GABRA1: variants seen among roughly 807,000 people sequenced by gnomAD.
GABRA1 encodes gamma-aminobutyric acid receptor subunit alpha-1.
A neutral mutation model predicts 48.9 loss-of-function variants in GABRA1; 9 were observed. The observed-to-expected ratio is 0.18, with a 90% CI of 0.11 to 0.32. The LOEUF (loss-of-function observed/expected upper bound fraction) is 0.32, where lower values mean the gene tolerates loss of function less well. GABRA1 is among the 10% of genes least tolerant of loss of function. The probability of loss-of-function intolerance (pLI) is 1.00; values close to 1 mark genes in which losing one functional copy is unlikely to be tolerated. For synonymous variants in GABRA1, 210 were observed against 198.7 expected (o/e 1.06, Z -0.48); for missense variants, 285 against 553.8 (o/e 0.51, Z 4.87).
chr5:161,877,514 T>C (rs1226645952), intron 6 of GABRA1, among the ~76,000 whole-genome samples: 1 of 152,190 alleles, frequency 6.6e-6, no homozygotes, highest in Non-Finnish European at 1.5e-5. Flanking sequence ...AATGCAATTC[T>C]GTTTGTGATA....
intron 8 of GABRA1, among the ~76,000 whole-genome samples, chr5:161,892,958 C>A (rs1218296452): frequency 2.7e-5 from 4 of 149,590 alleles, no homozygotes; most frequent in African/African-American, 7.4e-5. Flanking sequence ...GAGCCAAGAT[C>A]GTGCCACTGC....
chr5:161,887,589 A>G (rs1271545644), intron 7 of GABRA1, among the ~76,000 whole-genome samples: 1 of 152,148 alleles, frequency 6.6e-6, no homozygotes, highest in Non-Finnish European at 1.5e-5. Context: ...AAAAAACATA[A>G]CCACCACTTT....
intron 4 of GABRA1, among the ~76,000 whole-genome samples, chr5:161,871,497 C>T (rs1319184961): frequency 2.0e-5 from 3 of 152,158 alleles, no homozygotes; most frequent in African/African-American, 4.8e-5. Flanking sequence ...GTAGATCCAT[C>T]CACCCAGTTT....
At chr5:161,885,608 G>A (rs1450772496) in intron 7 of GABRA1, among the ~76,000 whole-genome samples, 4 of 152,054 alleles carry the variant, frequency 2.6e-5, no homozygotes, top group Non-Finnish European at 5.9e-5. Context: ...AACATAAGAG[G>A]CAAGAAGATG....
chr5:161,891,830 C>G (rs1755104258), intron 8 of GABRA1, among the ~76,000 whole-genome samples: 1 of 152,182 alleles, frequency 6.6e-6, no homozygotes, highest in Admixed American at 6.6e-5. Context: ...CAAATCACCA[C>G]TCTCGTTATG....
Position 161,899,847 on chromosome 5 carries a change from G to A in GABRA1, c.*2425G>A, listed in dbSNP as rs540771612. On this transcript the variant is annotated 3_prime_UTR_variant, in exon 10 of 10. Transcript: ENST00000393943. Reference sequence around the variant, plus strand: ...ATAAAACCTAACATGAATCAAGGTTGTTTATGGCAGATGCATGTGTTGCTT... The same window carrying A: ...ATAAAACCTAACATGAATCAAGGTTATTTATGGCAGATGCATGTGTTGCTT... The A allele has an allele frequency of 6.6e-6, 1 of 152,284 alleles. No homozygotes were observed. Among genetic ancestry groups the A allele is most frequent in the East Asian group, 1.9e-4 (1 of 5,182 alleles). 9.4% of individuals were successfully genotyped at this position (152,284 alleles called of 1,614,324 possible). A position where few individuals can be genotyped will look rare whatever the true frequency, so the allele number is the denominator to read the frequency against.
intron 6 of GABRA1, among the ~76,000 whole-genome samples, chr5:161,879,149 C>T (rs1036817678): frequency 6.6e-6 from 1 of 152,180 alleles, no homozygotes; most frequent in African/African-American, 2.4e-5. Context: ...CTCTCTGTTG[C>T]CCAGGCTGGA....
chr5:161,894,118 G>C (rs1447018759), intron 8 of GABRA1, among the ~76,000 whole-genome samples: 2 of 152,104 alleles, frequency 1.3e-5, no homozygotes, highest in Non-Finnish European at 2.9e-5. Flanking sequence ...ATAGTCATTA[G>C]TTTTGCCCTT....
intron 3 of GABRA1, among the ~76,000 whole-genome samples, chr5:161,865,315 A>C (rs1758009368): frequency 6.6e-6 from 1 of 152,162 alleles, no homozygotes; most frequent in South Asian, 2.1e-4. Flanking sequence ...AAAGTACACT[A>C]TCTATTTCCC....
At chr5:161,847,926 C>T, upstream of GABRA1, 1 of 151,922 alleles carries the variant, frequency 6.6e-6, no homozygotes, top group East Asian at 1.9e-4. Flanking sequence ...CCCATTGCCG[C>T]TCCCCCCAAA....
intron 1 of GABRA1, chr5:161,848,716 C>G: frequency 7.8e-6 from 2 of 255,342 alleles, no homozygotes; most frequent in South Asian, 7.0e-5. Flanking sequence ...TCTCCTCTTT[C>G]TTAGGCATAT....
intron 7 of GABRA1, among the ~76,000 whole-genome samples, chr5:161,883,827 C>G (rs747844704): frequency 1.3e-5 from 2 of 152,046 alleles, no homozygotes; most frequent in Non-Finnish European, 2.9e-5. Context: ...CTGTCTCTTG[C>G]TTGCTTAGAA....
intron 2 of GABRA1, among the ~76,000 whole-genome samples, chr5:161,852,793 T>C (rs1757503112): frequency 6.6e-6 from 1 of 151,962 alleles, no homozygotes; most frequent in Admixed American, 6.6e-5. Flanking sequence ...TTTTAGTAAC[T>C]TTATCAAATT....
intron 9 of GABRA1, among the ~76,000 whole-genome samples, chr5:161,896,655 CAT>C (rs1270643374): frequency 5.9e-5 from 9 of 152,178 alleles, no homozygotes; most frequent in Non-Finnish European, 1.2e-4. Context: ...AGTCACTTGA[CAT>C]AAGCTTTTCT....
Position 161,882,829 on chromosome 5 carries a change from G to A in GABRA1, c.703+128G>A, listed in dbSNP as rs527766312. ...TTTCACTAAATTGGGCATCAGTTGAGCTGGGAACTAATGTAAACTCGGTAG... is the reference window on the plus strand; with the variant it reads ...TTTCACTAAATTGGGCATCAGTTGAACTGGGAACTAATGTAAACTCGGTAG... On this transcript the variant is annotated intron_variant, in intron 7 of 9. Coordinates refer to ENST00000393943, the MANE Select transcript of GABRA1 (RefSeq NM_001127644.2). The A allele has an allele frequency of 9.8e-6, 9 of 920,666 alleles. No homozygotes were observed. The South Asian group carries it at 1.3e-4, about 13-fold the overall frequency. 57.0% of individuals were successfully genotyped at this position (920,666 alleles called of 1,614,324 possible). A position where few individuals can be genotyped will look rare whatever the true frequency, so the allele number is the denominator to read the frequency against.
rs139793542 is a variant in GABRA1 at position 161,897,276 on chromosome 5, C to A, written c.1225C>A (p.Pro409Thr). The part of the protein sequence containing the change: ...EVKPETKPPE[P>T]KKTFNSVSKI... ...CAAGCCCGAAACAAAACCACCAGAACCCAAGAAAACCTTTAACAGTGTCAG... is the reference window on the plus strand; with the variant it reads ...CAAGCCCGAAACAAAACCACCAGAAACCAAGAAAACCTTTAACAGTGTCAG... Residue 409 changes from proline (P) to threonine (T), a missense_variant, in exon 10 of 10, where the codon CCC becomes ACC. Pro to Thr is a conservative substitution (Grantham distance 38, BLOSUM62 -1). Coordinates refer to ENST00000393943, the MANE Select transcript of GABRA1 (RefSeq NM_001127644.2). 6.2e-6 allele frequency: 10 copies of A among 1,614,040 alleles called. No homozygotes were observed. The highest frequency in any genetic ancestry group is 6.8e-6 in the Non-Finnish European group (8 of 1,180,024).
Position 161,898,367 on chromosome 5 carries a change from G to C in GABRA1, c.*945G>C, listed in dbSNP as rs1204151463. 6.6e-6 allele frequency: 1 copy of C among 152,498 alleles called. No individual in the cohort carries two copies. The highest frequency in any genetic ancestry group is 1.5e-5 in the Non-Finnish European group (1 of 67,966). The allele number at this position is 152,498 out of a possible 1,614,324, so 9.4% of individuals were successfully genotyped here. On this transcript the variant is annotated 3_prime_UTR_variant, in exon 10 of 10. Transcript: ENST00000393943. ...ATTCTTTTATATAACTACATTAAAA[G>C]CTTTAGATTGAAATTTATGACTAGC... is the stretch of plus-strand genomic sequence containing the variant.
rs918297379 is a variant in GABRA1, at chr5:161,854,308, T to C, written c.187+38T>C. On this transcript the variant is annotated intron_variant, in intron 3 of 9. Transcript: ENST00000393943. Reference sequence around the variant, plus strand: ...ATTGTATTTTTGTTTTAGAGAATAATATGAGATCTTTACTATCACAGCCTT... The same window carrying C: ...ATTGTATTTTTGTTTTAGAGAATAACATGAGATCTTTACTATCACAGCCTT... 8 of 1,046,742 alleles carry C rather than the reference T, an allele frequency of 7.6e-6. No individual in the cohort carries two copies. In the Admixed American group the frequency reaches 1.0e-4, roughly 13 times the overall value. The allele number at this position is 1,046,742 out of a possible 1,614,324, so 64.8% of individuals were successfully genotyped here.
intron 6 of GABRA1, among the ~76,000 whole-genome samples, chr5:161,880,173 C>G (rs1224963091): frequency 1.3e-5 from 2 of 152,102 alleles, no homozygotes; most frequent in Non-Finnish European, 2.9e-5. Context: ...TTAAACAAGT[C>G]ATTTATTTTT....
Sources: gnomAD v4.1 joint callset for allele counts (sites outside exome capture counted in the v4.1 genomes callset) on GRCh38, gnomAD v4.1.1 for gene constraint, MANE v1.5 for transcripts, NCBI Gene and HGNC (gene_info 2026-07-23, HGNC 2026-07-21) for gene names.